Variants in AKR1C1 observed in about 807,000 individuals in gnomAD.
The protein encoded by AKR1C1 is 20 alpha-hydroxysteroid dehydrogenase.
In AKR1C1, 32 loss-of-function variants were observed where a neutral mutation model predicts 40.6. The ratio of observed to expected loss-of-function variants is 0.79; its 90% CI spans 0.60 to 1.06. The LOEUF is 1.06. Ranked by LOEUF, AKR1C1 falls within the 50% of genes least tolerant of loss-of-function variation. The pLI is 0.00. For synonymous variants in AKR1C1, 105 were observed against 134.2 expected (o/e 0.78, Z 1.50); for missense variants, 320 against 363.5 (o/e 0.88, Z 0.97).
At position 4,982,055 on chromosome 10, in the gene AKR1C1, A is replaced by T. The variant is rs1311785873; in HGVS notation, c.*4313A>T. ...GTGGGGGGCGCACGGCAAGCTATTC[A>T]ACATTACGTACAGGCATTTGAGGTC... On this transcript the variant is annotated 3_prime_UTR_variant, in exon 9 of 9. Transcript: ENST00000380872. 2 of 152,284 alleles carry T rather than the reference A, an allele frequency of 1.3e-5. No homozygotes were observed. The highest frequency in any genetic ancestry group is 2.4e-5 in the African/African-American group (1 of 41,448). The allele number at this position is 152,284 out of a possible 1,614,324, so 9.4% of individuals were successfully genotyped here.
intron 5 of AKR1C1, 95 bp from the exon 6 acceptor site, chr10:4,972,106 A>G (rs1588561900): frequency 3.3e-6 from 5 of 1,530,686 alleles, no homozygotes; most frequent in Non-Finnish European, 4.4e-6. Context: ...TTCAAATTTA[A>G]TGCTCTACAT....
chr10:4,972,298 G>A lies in AKR1C1; in HGVS notation c.668G>A (p.Arg223Gln), dbSNP rs1471636426. ...GCCTATAGTGCTCTGGGATCCCACCGAGAAGAACCATGGTAATAAGAGATA... is the reference window on the plus strand; with the variant it reads ...GCCTATAGTGCTCTGGGATCCCACCAAGAAGAACCATGGTAATAAGAGATA... ...LVAYSALGSHREEPWVDPNSP... is the reference protein window; with the variant it reads ...LVAYSALGSHQEEPWVDPNSP... Residue 223 changes from arginine to glutamine, a missense_variant, in exon 6 of 9, where the codon CGA becomes CAA. Physicochemically the swap from Arg to Gln is conservative, Grantham distance 43. Transcript: ENST00000380872. 8.1e-6 allele frequency: 13 copies of A among 1,613,460 alleles called. No individual in the cohort carries two copies. The highest frequency in any genetic ancestry group is 6.6e-5 in the South Asian group (6 of 91,048).
At chr10:4,967,994 A>G in intron 3 of AKR1C1, 1 of 229,938 alleles carries the variant, frequency 4.3e-6, no homozygotes, top group Non-Finnish European at 8.6e-6. Flanking sequence ...GATCTTTTGC[A>G]GTTGAAGAGA....
At position 4,972,354 on chromosome 10, in the gene AKR1C1, A is replaced by T. The variant is rs570920516; in HGVS notation, c.680+44A>T. The T allele has an allele frequency of 2.8e-5, 41 of 1,472,176 alleles. No individual in the cohort carries two copies. In the African/African-American group the frequency reaches 9.1e-4, roughly 33 times the overall value. The allele number at this position is 1,472,176 out of a possible 1,614,324, so 91.2% of individuals were successfully genotyped here. Reference sequence around the variant, plus strand: ...AGTTTACCTAAAACACCGGTTTGATAAAAAAAATTTAATCAGATCATGCTG... The same window carrying T: ...AGTTTACCTAAAACACCGGTTTGATTAAAAAAATTTAATCAGATCATGCTG... On this transcript the variant is annotated intron_variant, in intron 6 of 8. Coordinates refer to ENST00000380872, the MANE Select transcript of AKR1C1 (RefSeq NM_001353.6).
chr10:4,976,793 A>G (rs1289955057), intron 8 of AKR1C1, among the ~76,000 whole-genome samples: 4 of 152,246 alleles, frequency 2.6e-5, no homozygotes, highest in Non-Finnish European at 5.9e-5. Flanking sequence ...AATGTGTGAA[A>G]AAAACAAGCA....
At position 4,972,665 on chromosome 10, in the gene AKR1C1, G is replaced by A; in HGVS notation, c.762G>A (p.Leu254=). 1 of 1,613,056 alleles carries A rather than the reference G, an allele frequency of 6.2e-7. No individual in the cohort carries two copies. The highest frequency in any genetic ancestry group is 8.5e-7 in the Non-Finnish European group (1 of 1,180,038). Residue 254 remains leucine (L), a synonymous_variant, in exon 7 of 9, where the codon CTG becomes CTA. Transcript: ENST00000380872. ...LAKKHKRTPA[L]IALRYQLQRG... is the part of the protein sequence containing the mutation. ...AAAAGCACAAGCGAACCCCAGCCCT[G>A]ATTGCCCTGCGCTACCAGCTACAGC...
chr10:4,977,029 C>T (rs1396071379), intron 8 of AKR1C1, among the ~76,000 whole-genome samples: 1 of 152,160 alleles, frequency 6.6e-6, no homozygotes, highest in Non-Finnish European at 1.5e-5. Flanking sequence ...TTGCGAGCTT[C>T]CAAGTGTTTG....
intron 5 of AKR1C1, among the ~76,000 whole-genome samples, chr10:4,969,447 C>A (rs1836389135): frequency 6.6e-6 from 1 of 152,026 alleles, no homozygotes; most frequent in Non-Finnish European, 1.5e-5. Flanking sequence ...GGCATAGATA[C>A]ACTAAAAATT....
At chr10:4,972,492 G>C (rs1836446725) in intron 6 of AKR1C1, 92 bp from the exon 7 acceptor site, 3 of 1,604,532 alleles carry the variant, frequency 1.9e-6, no homozygotes, top group Non-Finnish European at 2.6e-6. Context: ...AGAAGCTCCG[G>C]TGCAGAGTGG....
chr10:4,974,778 C>T (rs1588563828), intron 7 of AKR1C1, among the ~76,000 whole-genome samples: 1 of 152,168 alleles, frequency 6.6e-6, no homozygotes, highest in South Asian at 2.1e-4. Context: ...AACTTATTTA[C>T]TTTTCTGTAC....
chr10:4,969,037 T>C (rs1836381172), intron 5 of AKR1C1, 93 bp downstream of exon 5: 1 of 1,592,570 alleles, frequency 6.3e-7, no homozygotes, highest in African/African-American at 1.3e-5. Context: ...CACTTATCTT[T>C]GTAAAAGAGA....
chr10:4,966,269 G>A (rs543537415), intron 2 of AKR1C1, among the ~76,000 whole-genome samples, 188 bp downstream of exon 2: 1 of 152,354 alleles, frequency 6.6e-6, no homozygotes, highest in South Asian at 2.1e-4. Context: ...TCTTTGCAGT[G>A]TTCCAATTCA....
chr10:4,969,884 A>G (rs747480944), intron 5 of AKR1C1: 5 of 691,754 alleles, frequency 7.2e-6, no homozygotes, highest in Non-Finnish European at 1.2e-5. Flanking sequence ...GTATAAAATT[A>G]GTGAATTTGG....
intron 3 of AKR1C1, chr10:4,968,017 G>C (rs1374585689): frequency 1.3e-5 from 4 of 298,064 alleles, no homozygotes; most frequent in African/African-American, 8.9e-5. Context: ...TATTGCCACA[G>C]AGAAAATTAT....
At chr10:4,974,944 T>G (rs1311501601) in intron 7 of AKR1C1, among the ~76,000 whole-genome samples, 1 of 152,120 alleles carries the variant, frequency 6.6e-6, no homozygotes, top group African/African-American at 2.4e-5. Flanking sequence ...ATGTTTAGTC[T>G]CTTGTTGACA....
At chr10:4,975,570 G>A (rs1399160946) in intron 7 of AKR1C1, among the ~76,000 whole-genome samples, 1 of 151,898 alleles carries the variant, frequency 6.6e-6, no homozygotes, top group Non-Finnish European at 1.5e-5. Flanking sequence ...TATCATGTGG[G>A]CACAAAGTAA....
At chr10:4,968,119 A>T in intron 3 of AKR1C1, 190 bp from the exon 4 acceptor site, 1 of 1,097,758 alleles carries the variant, frequency 9.1e-7, no homozygotes, top group Non-Finnish European at 1.3e-6. Context: ...GTTGTAAGAG[A>T]TTAGAGGGAG....
At chr10:4,975,369 C>T (rs560297334) in intron 7 of AKR1C1, among the ~76,000 whole-genome samples, 1 of 152,342 alleles carries the variant, frequency 6.6e-6, no homozygotes, top group South Asian at 2.1e-4. Flanking sequence ...AGAGTACCCA[C>T]ACCTTTTGAA....
chr10:4,981,050 C>T lies in AKR1C1; in HGVS notation c.*3308C>T, dbSNP rs1347665259. 6.6e-6 allele frequency: 1 copy of T among 152,210 alleles called. No individual in the cohort carries two copies. Among genetic ancestry groups the T allele is most frequent in the African/African-American group, 2.4e-5 (1 of 41,444 alleles). 9.4% of individuals were successfully genotyped at this position (152,210 alleles called of 1,614,324 possible). On this transcript the variant is annotated 3_prime_UTR_variant, in exon 9 of 9. Transcript: ENST00000380872. ...GGAAAGAACAGTAATCTCTTTCAAC[C>T]TCTGTAAGAGAGTTCTTGGTTGATT... is the stretch of plus-strand genomic sequence containing the variant.
Sources: gnomAD v4.1 joint callset for allele counts (sites outside exome capture counted in the v4.1 genomes callset) on GRCh38, gnomAD v4.1.1 for gene constraint, MANE v1.5 for transcripts, NCBI Gene and HGNC (gene_info 2026-07-23, HGNC 2026-07-21) for gene names.